Variants in ZBTB25 observed in about 807,000 individuals in gnomAD.
The protein encoded by ZBTB25 is zinc finger and BTB domain containing 25.
Under a neutral mutation model 34.2 loss-of-function variants are expected in ZBTB25, and 20 were observed. The observed-to-expected ratio is 0.58, with a 90% CI of 0.41 to 0.85. The LOEUF (loss-of-function observed/expected upper bound fraction) is 0.85, where lower values mean the gene tolerates loss of function less well. Among genes scored for constraint, ZBTB25 ranks in the 40% least tolerant of loss-of-function variants. The pLI is 0.00. For synonymous variants in ZBTB25, 175 were observed against 186.4 expected, an observed-to-expected ratio of 0.94 and a Z score of 0.50; for missense variants, 437 against 521.8, an observed-to-expected ratio of 0.84 and a Z score of 1.58.
rs539972304 is a variant in ZBTB25, at chr14:64,468,799, G to C, written c.174-19161C>G. Reference sequence around the variant, plus strand: ...TTCCCTGCATAAAATTCCCAAGAGGGCCAAAAAGGAGTAATCATTCCAAAA... The same window carrying C: ...TTCCCTGCATAAAATTCCCAAGAGGCCCAAAAAGGAGTAATCATTCCAAAA... On this transcript the variant is annotated intron_variant, in intron 2 of 2. Coordinates refer to the ZBTB25 transcript ENST00000555220. The C allele has an allele frequency of 7.1e-5, 115 of 1,614,080 alleles. No individual in the cohort carries two copies. In the South Asian group the frequency reaches 1.2e-3, roughly 17 times the overall value.
At chr14:64,495,683 G>A (rs528615909) in intron 1 of ZBTB25, among the ~76,000 whole-genome samples, 102 of 152,190 alleles carry the variant, frequency 6.7e-4, no homozygotes, top group Non-Finnish European at 8.4e-4. Context: ...TCAGCTGGGC[G>A]TAGTGGCTCA....
chr14:64,493,991 G>C (rs1446632378), intron 1 of ZBTB25, among the ~76,000 whole-genome samples: 2 of 152,148 alleles, frequency 1.3e-5, no homozygotes, highest in Non-Finnish European at 2.9e-5. Flanking sequence ...GAGCCAGAGA[G>C]GGAGAAGAGG....
intron 2 of ZBTB25, among the ~76,000 whole-genome samples, chr14:64,465,898 T>C (rs756227438): frequency 1.3e-5 from 2 of 152,216 alleles, no homozygotes; most frequent in Non-Finnish European, 2.9e-5. Flanking sequence ...AAATGTGATT[T>C]TGGGTTTCTG....
intron 2 of ZBTB25, among the ~76,000 whole-genome samples, chr14:64,453,294 G>A (rs2078406226): frequency 1.3e-5 from 2 of 151,980 alleles, no homozygotes; most frequent in African/African-American, 4.8e-5. Context: ...GTTCCTGGCT[G>A]GGTGCAGTGG....
intron 1 of ZBTB25, among the ~76,000 whole-genome samples, chr14:64,491,675 G>A (rs980841071): frequency 1.3e-4 from 20 of 152,210 alleles, no homozygotes; most frequent in African/African-American, 4.8e-4. Context: ...GTGGCAGACT[G>A]TACATCATCT....
At chr14:64,469,283 A>T (rs2078643073) in intron 2 of ZBTB25, 7 of 1,613,484 alleles carry the variant, frequency 4.3e-6, no homozygotes, top group Non-Finnish European at 5.9e-6. Context: ...CTATGAAAGT[A>T]CAGAGATTGT....
rs1418423741 is a variant in ZBTB25 at position 64,479,252 on chromosome 14, A to C, written c.*7671T>G. The C allele has an allele frequency of 6.6e-6, 1 of 152,148 alleles. No individual in the cohort carries two copies. The highest frequency in any genetic ancestry group is 1.5e-5 in the Non-Finnish European group (1 of 68,024). The allele number at this position is 152,148 out of a possible 1,614,324, so 9.4% of individuals were successfully genotyped here. ...GGGTTGGTCAACCTCAGCTCTAATG[A>C]CATTTTGAGGTACATATTCTGTATT... is the stretch of plus-strand genomic sequence containing the variant. On this transcript the variant is annotated 3_prime_UTR_variant, in exon 3 of 3. Transcript: ENST00000608382.
upstream of ZBTB25, chr14:64,504,994 CCGGAGGGCGACGGGCCGCGGGCCTGG>C (rs2079619417): frequency 2.6e-6 from 1 of 391,488 alleles, no homozygotes; most frequent in Non-Finnish European, 4.5e-6. Flanking sequence ...TTGGCCCAGG[CCGGAGGGCGACGGGCCGCGGGCCTGG>C]CGGAGTGCGG....
downstream of ZBTB25, among the ~76,000 whole-genome samples, chr14:64,476,093 T>C (rs1439643638): frequency 6.6e-6 from 1 of 152,220 alleles, no homozygotes; most frequent in Non-Finnish European, 1.5e-5. Flanking sequence ...CCCGAACCTT[T>C]TATTCCCAAA....
At position 64,487,657 on chromosome 14, in the gene ZBTB25, C is replaced by A; in HGVS notation, c.574G>T (p.Ala192Ser). 1 of 1,605,696 alleles carries A rather than the reference C, an allele frequency of 6.2e-7. No individual in the cohort carries two copies. The highest frequency in any genetic ancestry group is 8.5e-7 in the Non-Finnish European group (1 of 1,176,196). Residue 192 changes from alanine (A) to serine (S), a missense_variant, in exon 3 of 3, where the codon GCC becomes TCC. Ala to Ser is a moderately conservative substitution (Grantham distance 99, BLOSUM62 1). Coordinates refer to ENST00000608382, the MANE Select transcript of ZBTB25 (RefSeq NM_006977.5). ...DQQRACPATQ[A>S]LEEHQKPPVS... ...GGGGGCTTCTGGTGCTCCTCCAGGG[C>A]CTGGGTGGCAGGACAGGCCCTCTGC...
At chr14:64,467,059 G>A (rs1468076843) in intron 2 of ZBTB25, 1 of 152,164 alleles carries the variant, frequency 6.6e-6, no homozygotes, top group Non-Finnish European at 1.5e-5. Flanking sequence ...GTTCAATTAT[G>A]AGTTGATAAG....
chr14:64,503,162 G>A lies in ZBTB25; in HGVS notation c.-8+499C>T. ...GAAAAACCGGATATGCTTAGAACAA[G>A]ATAAACATAATTTGAAGATAGAAAA... is the stretch of plus-strand genomic sequence containing the variant. On this transcript the variant is annotated intron_variant, in intron 1 of 2. Transcript: ENST00000608382. 3.0e-6 allele frequency: 3 copies of A among 985,494 alleles called. No individual in the cohort carries two copies. In the South Asian group the frequency reaches 1.4e-4, roughly 46 times the overall value. The allele number at this position is 985,494 out of a possible 1,614,324, so 61.0% of individuals were successfully genotyped here.
Position 64,487,698 on chromosome 14 carries a change from T to A in ZBTB25, c.533A>T (p.Asp178Val), listed in dbSNP as rs2078923661. Residue 178 changes from aspartate (D) to valine (V), a missense_variant, in exon 3 of 3, where the codon GAT becomes GTT. Physicochemically the swap from Asp to Val is radical, Grantham distance 152. Transcript: ENST00000608382. ...LQLSLAIGLD[D>V]GTADQQRACP... is the part of the protein sequence containing the mutation. ...GGCCCTCTGCTGGTCTGCAGTGCCATCATCCAGACCAATAGCAAGAGACAA... is the reference window on the plus strand; with the variant it reads ...GGCCCTCTGCTGGTCTGCAGTGCCAACATCCAGACCAATAGCAAGAGACAA... 6.2e-7 allele frequency: 1 copy of A among 1,612,160 alleles called. No homozygotes were observed. Among genetic ancestry groups the A allele is most frequent in the Non-Finnish European group, 8.5e-7 (1 of 1,179,230 alleles).
downstream of ZBTB25, chr14:64,478,010 G>A (rs2078735590): frequency 6.6e-6 from 1 of 152,252 alleles, no homozygotes; most frequent in Non-Finnish European, 1.5e-5. Context: ...TTGGAGGACT[G>A]TCATTCCTTC....
rs765124337 is a variant in ZBTB25 at position 64,458,309 on chromosome 14, T to TA, written c.174-8672dup. 5 of 1,604,076 alleles carry TA rather than the reference T, an allele frequency of 3.1e-6. No homozygotes were observed. The African/African-American group carries it at 6.7e-5, about 21-fold the overall frequency. ...AGGTGAATGGATTATTCTAAACAGG[T>TA]AAGTTGTTACTGGGTAATAATTTGG... is the stretch of plus-strand genomic sequence containing the variant. On this transcript the variant is annotated intron_variant, in intron 2 of 2. Transcript: ENST00000555220.
At chr14:64,502,964 C>G (rs1313589874) in intron 1 of ZBTB25, 1 of 985,280 alleles carries the variant, frequency 1.0e-6, no homozygotes, top group East Asian at 1.1e-4. Context: ...AGAAAGAATG[C>G]CAAATTTAAT....
intron 2 of ZBTB25, chr14:64,459,612 A>G: frequency 1.5e-6 from 1 of 664,620 alleles, no homozygotes; most frequent in Admixed American, 2.9e-5. Flanking sequence ...CCATTTATGG[A>G]CACGCCCTAG....
At chr14:64,452,847 AGAAT>A (rs1309327262) in intron 2 of ZBTB25, among the ~76,000 whole-genome samples, 10 of 152,188 alleles carry the variant, frequency 6.6e-5, no homozygotes, top group Non-Finnish European at 2.9e-5. Context: ...CTCCAGTATT[AGAAT>A]AGAACATCTA....
chr14:64,468,968 G>C, intron 2 of ZBTB25: 1 of 1,614,252 alleles, frequency 6.2e-7, no homozygotes, highest in East Asian at 2.2e-5. Context: ...GAAAGATGGT[G>C]ATGAGGTCTG....
Sources: allele counts gnomAD v4.1 joint callset (sites outside exome capture counted in the v4.1 genomes callset), GRCh38; gene constraint gnomAD v4.1.1; transcripts MANE v1.5; gene names NCBI Gene and HGNC (gene_info 2026-07-23, HGNC 2026-07-21).